The following UBTD1 variants were observed in gnomAD, a reference collection of about 807,000 sequenced individuals.
UBTD1 encodes the protein ubiquitin domain containing 1.
In UBTD1, 19 loss-of-function variants were observed where a neutral mutation model predicts 21.7. The ratio of observed to expected loss-of-function variants is 0.87; its 90% confidence interval spans 0.61 to 1.28. The LOEUF is 1.28. Ranked by LOEUF, UBTD1 falls within the 50% of genes most tolerant of loss-of-function variation. The probability of loss-of-function intolerance (pLI) is 0.00; values close to 1 mark genes in which losing one functional copy is unlikely to be tolerated. For synonymous variants in UBTD1, 116 were observed against 135.1 expected (o/e 0.86, Z 0.98); for missense variants, 282 against 315.1 (o/e 0.89, Z 0.80).
intron 1 of UBTD1, among the ~76,000 whole-genome samples, chr10:97,551,627 G>C (rs2040637888): frequency 6.6e-6 from 1 of 152,100 alleles, no homozygotes; most frequent in Non-Finnish European, 1.5e-5. Flanking sequence ...GCCTGGCCCT[G>C]GACAAAGCCT....
At chr10:97,502,628 G>C (rs1489549023) in intron 1 of UBTD1, among the ~76,000 whole-genome samples, 12 of 152,100 alleles carry the variant, frequency 7.9e-5, no homozygotes, top group Non-Finnish European at 1.3e-4. Context: ...CTTCACAAAG[G>C]CAGCTGTTTA....
At chr10:97,502,867 GTATATATGTATATATATACGTA>G (rs2040382454) in intron 1 of UBTD1, among the ~76,000 whole-genome samples, 1 of 146,038 alleles carries the variant, frequency 6.8e-6, no homozygotes, top group African/African-American at 2.5e-5. Flanking sequence ...GTATATATAC[GTATATATGTATATATATACGTA>G]TATATATGTG....
chr10:97,536,861 C>T (rs919231420), intron 1 of UBTD1, among the ~76,000 whole-genome samples: 2 of 152,008 alleles, frequency 1.3e-5, no homozygotes, highest in South Asian at 2.1e-4. Context: ...TGGAGTCATT[C>T]GGTCATACAT....
At chr10:97,554,316 C>T (rs2040654032) in intron 1 of UBTD1, among the ~76,000 whole-genome samples, 1 of 144,780 alleles carries the variant, frequency 6.9e-6, no homozygotes, top group Admixed American at 7.0e-5. Flanking sequence ...GACATGATCT[C>T]AGCTCACTGC....
Position 97,499,214 on chromosome 10 carries a change from G to A in UBTD1, c.11G>A (p.Cys4Tyr). 6.5e-7 allele frequency: 1 copy of A among 1,547,494 alleles called. No individual in the cohort carries two copies. The highest frequency in any genetic ancestry group is 1.2e-5 in the South Asian group (1 of 83,458). Residue 4 changes from cysteine to tyrosine, a missense_variant, in exon 1 of 3, where the codon TGC (cysteine) becomes TAC (tyrosine). By Grantham distance (194) the Cys-to-Tyr change is radical. Coordinates refer to ENST00000370664, the MANE Select transcript of UBTD1 (RefSeq NM_024954.5). MGN[C>Y]VGRQRRERPA... ...GGCTGAGGAGCCAGCATGGGCAACT[G>A]CGTGGGGAGACAGCGCCGGGAGAGG...
chr10:97,551,233 C>T (rs980272239), intron 1 of UBTD1, among the ~76,000 whole-genome samples: 4 of 152,162 alleles, frequency 2.6e-5, no homozygotes, highest in Non-Finnish European at 4.4e-5. Context: ...CATATACATT[C>T]TCTGCTCAAT....
At chr10:97,528,986 G>A (rs565849043) in intron 1 of UBTD1, among the ~76,000 whole-genome samples, 62 of 152,118 alleles carry the variant, frequency 4.1e-4, no homozygotes, top group African/African-American at 1.4e-3. Context: ...CTGCCGGGCG[G>A]AGACGCTCCT....
chr10:97,562,967 C>T (rs541053923), intron 1 of UBTD1, among the ~76,000 whole-genome samples: 29 of 152,050 alleles, frequency 1.9e-4, no homozygotes, highest in African/African-American at 5.3e-4. Flanking sequence ...ATGGCTGCTT[C>T]GGGCGGGATT....
intron 1 of UBTD1, among the ~76,000 whole-genome samples, chr10:97,526,361 T>A (rs367902786): frequency 6.6e-6 from 1 of 152,236 alleles, no homozygotes; most frequent in East Asian, 1.9e-4. Flanking sequence ...CAAAGCTTTA[T>A]GCACTAAGAC....
chr10:97,508,487 T>C (rs2040408382), intron 1 of UBTD1, among the ~76,000 whole-genome samples: 1 of 152,134 alleles, frequency 6.6e-6, no homozygotes, highest in Non-Finnish European at 1.5e-5. Context: ...TTGCCAGTGG[T>C]TATGATGCTA....
chr10:97,540,604 A>G (rs1589877378), intron 1 of UBTD1, among the ~76,000 whole-genome samples: 2 of 152,170 alleles, frequency 1.3e-5, no homozygotes, highest in Non-Finnish European at 2.9e-5. Context: ...TATTAGCCCC[A>G]TTTTCTAGAT....
intron 1 of UBTD1, among the ~76,000 whole-genome samples, chr10:97,544,713 G>T (rs986562984): frequency 2.6e-5 from 4 of 152,162 alleles, no homozygotes; most frequent in African/African-American, 9.7e-5. Context: ...AATCATGGCC[G>T]GGGGCAGTGG....
intron 1 of UBTD1, among the ~76,000 whole-genome samples, chr10:97,547,147 G>T (rs1292908405): frequency 1.3e-5 from 2 of 152,236 alleles, no homozygotes; most frequent in Non-Finnish European, 2.9e-5. Context: ...CAGAGTCCCA[G>T]TGTCAGAAGT....
intron 1 of UBTD1, among the ~76,000 whole-genome samples, chr10:97,537,797 T>C (rs1006767672): frequency 1.3e-5 from 2 of 150,072 alleles, no homozygotes; most frequent in Non-Finnish European, 3.0e-5. Flanking sequence ...TCTTTCAGGG[T>C]GTGTGCTTGT....
At chr10:97,531,674 A>C (rs963915123) in intron 1 of UBTD1, among the ~76,000 whole-genome samples, 4 of 152,158 alleles carry the variant, frequency 2.6e-5, no homozygotes, top group Non-Finnish European at 5.9e-5. Flanking sequence ...TTAGTCCCCC[A>C]GGGGCGATTC....
intron 1 of UBTD1, among the ~76,000 whole-genome samples, chr10:97,561,609 G>T (rs1467999450): frequency 2.6e-5 from 4 of 152,256 alleles, no homozygotes; most frequent in Non-Finnish European, 5.9e-5. Flanking sequence ...ACAATGTCTG[G>T]AATCTATGAA....
intron 1 of UBTD1, among the ~76,000 whole-genome samples, chr10:97,504,177 C>T (rs2040389222): frequency 6.6e-6 from 1 of 152,126 alleles, no homozygotes; most frequent in Admixed American, 6.5e-5. Flanking sequence ...CCATCTCCAC[C>T]ACTTTCACCC....
intron 1 of UBTD1, among the ~76,000 whole-genome samples, chr10:97,509,342 T>TG (rs943825853): frequency 6.6e-6 from 1 of 152,170 alleles, no homozygotes; most frequent in Non-Finnish European, 1.5e-5. Context: ...ATCTGTAAAA[T>TG]GGGGTAAGCA....
chr10:97,500,290 T>C (rs916512903), intron 1 of UBTD1, among the ~76,000 whole-genome samples: 1 of 152,186 alleles, frequency 6.6e-6, no homozygotes, highest in Non-Finnish European at 1.5e-5. Context: ...AAGTGGAAAC[T>C]CTAGTTGGAG....
Sources: gnomAD v4.1 joint callset for allele counts (sites outside exome capture counted in the v4.1 genomes callset) on GRCh38, gnomAD v4.1.1 for gene constraint, MANE v1.5 for transcripts, NCBI Gene and HGNC (gene_info 2026-07-23, HGNC 2026-07-21) for gene names.